IL7R: variants seen among roughly 807,000 people sequenced by gnomAD.
The protein encoded by IL7R is interleukin 7 receptor.
IL7R carries 38 observed loss-of-function variants against 47.0 expected under a neutral mutation model. The observed-to-expected ratio is 0.81, with a 90% confidence interval of 0.62 to 1.06. The LOEUF is 1.06. Among genes scored for constraint, IL7R ranks in the 50% least tolerant of loss-of-function variants. IL7R has a pLI of 0.00. For synonymous variants in IL7R, 221 were observed against 199.8 expected (o/e 1.11, Z -0.89); for missense variants, 633 against 534.8 (o/e 1.18, Z -1.81).
In IL7R at chr5:35,876,352, C is replaced by A. The variant is rs2149906130; in HGVS notation, c.1246C>A (p.Pro416Thr). 1 of 1,613,154 alleles carries A rather than the reference C, an allele frequency of 6.2e-7. No individual in the cohort carries two copies. Residue 416 changes from proline (P) to threonine (T), a missense_variant, in exon 8 of 8, where the codon CCC (proline) becomes ACC (threonine). Coordinates refer to ENST00000303115, the MANE Select transcript of IL7R (RefSeq NM_002185.5). ...CCTTGGGACTACAAACAGCACGCTG[C>A]CCCCTCCATTTTCTCTCCAATCTGG... ...LSLGTTNSTL[P>T]PPFSLQSGIL... is the part of the protein sequence containing the mutation.
intron 1 of IL7R, 74 bp from the exon 2 acceptor site, chr5:35,860,778 A>G (rs1291948983): frequency 4.9e-6 from 7 of 1,423,308 alleles, no homozygotes; most frequent in South Asian, 2.3e-5. Context: ...CTGCTATTTT[A>G]TTAAGGTCAT....
chr5:35,865,492 G>A (rs1759918110), intron 2 of IL7R, among the ~76,000 whole-genome samples: 2 of 152,174 alleles, frequency 1.3e-5, no homozygotes, highest in Admixed American at 1.3e-4. Flanking sequence ...GGATGGCTGG[G>A]TCAAATAGTA....
At chr5:35,866,841 G>A (rs11567734) in intron 2 of IL7R, among the ~76,000 whole-genome samples, 3,182 of 151,792 alleles carry the variant, frequency 0.021, 125 homozygotes, top group African/African-American at 0.073. Flanking sequence ...AATCCATTAC[G>A]TTACCCATCA....
In IL7R at chr5:35,876,086, C is replaced by A. The variant is rs536561203; in HGVS notation, c.980C>A (p.Thr327Lys). Reference protein sequence around the residue: ...RDEVEGFLQDTFPQQLEESEK... With the variant: ...RDEVEGFLQDKFPQQLEESEK... ...GAAGTGGAAGGTTTTCTGCAAGATACGTTTCCTCAGCAACTAGAAGAATCT... is the reference window on the plus strand; with the variant it reads ...GAAGTGGAAGGTTTTCTGCAAGATAAGTTTCCTCAGCAACTAGAAGAATCT... Residue 327 changes from threonine (T) to lysine (K), a missense_variant, in exon 8 of 8, where the codon ACG (threonine) becomes AAG (lysine). Transcript: ENST00000303115. The A allele has an allele frequency of 6.2e-7, 1 of 1,614,188 alleles. No homozygotes were observed. The highest frequency in any genetic ancestry group is 8.5e-7 in the Non-Finnish European group (1 of 1,180,028).
chr5:35,860,784 G>T (rs1580851618), intron 1 of IL7R, 68 bp from the exon 2 acceptor site: 11 of 1,460,218 alleles, frequency 7.5e-6, no homozygotes, highest in Non-Finnish European at 1.1e-5. Flanking sequence ...TTTTATTAAG[G>T]TCATGCCATA....
At chr5:35,874,277 C>G (rs1032950719) in intron 5 of IL7R, among the ~76,000 whole-genome samples, 172 bp from the exon 6 acceptor site, 5 of 152,168 alleles carry the variant, frequency 3.3e-5, no homozygotes, top group African/African-American at 1.2e-4. Context: ...AAGTCAATGC[C>G]TTTTAAACCA....
chr5:35,858,065 T>C (rs1759703289), intron 1 of IL7R, among the ~76,000 whole-genome samples: 1 of 152,144 alleles, frequency 6.6e-6, no homozygotes, highest in Non-Finnish European at 1.5e-5. Flanking sequence ...TATTATTCTA[T>C]GCTAAACTTT....
At chr5:35,861,432 T>G (rs1352804127) in intron 2 of IL7R, among the ~76,000 whole-genome samples, 1 of 152,188 alleles carries the variant, frequency 6.6e-6, no homozygotes, top group African/African-American at 2.4e-5. Flanking sequence ...TATCTATGCC[T>G]CAGTTTCCTC....
At position 35,879,444 on chromosome 5, in the gene IL7R, A is replaced by G. The variant is rs1760298543; in HGVS notation, c.*2958A>G. Reference sequence around the variant, plus strand: ...GTCAGCTCTGTGGTTTATTGTTGGGACTATTCTTTAAAATATCCATTGTTC... The same window carrying G: ...GTCAGCTCTGTGGTTTATTGTTGGGGCTATTCTTTAAAATATCCATTGTTC... On this transcript the variant is annotated 3_prime_UTR_variant, in exon 8 of 8. Coordinates refer to ENST00000303115, the MANE Select transcript of IL7R (RefSeq NM_002185.5). The G allele has an allele frequency of 1.3e-5, 3 of 232,632 alleles. No homozygotes were observed. In the South Asian group the frequency reaches 5.4e-4, roughly 42 times the overall value. 14.4% of individuals were successfully genotyped at this position (232,632 alleles called of 1,614,324 possible). A position where few individuals can be genotyped will look rare whatever the true frequency, so the allele number is the denominator to read the frequency against.
Position 35,876,982 on chromosome 5 carries a change from A to C in IL7R, c.*496A>C, listed in dbSNP as rs911211134. ...ACTACTCTCTTTTTTATAGATCATTAAATTCAGAACTAAGGAGTTAAGTAA... is the reference window on the plus strand; with the variant it reads ...ACTACTCTCTTTTTTATAGATCATTCAATTCAGAACTAAGGAGTTAAGTAA... On this transcript the variant is annotated 3_prime_UTR_variant, in exon 8 of 8. Coordinates refer to ENST00000303115, the MANE Select transcript of IL7R (RefSeq NM_002185.5). 4.1e-6 allele frequency: 1 copy of C among 245,906 alleles called. No individual in the cohort carries two copies. Among genetic ancestry groups the C allele is most frequent in the Admixed American group, 5.0e-5 (1 of 19,990 alleles). 15.2% of individuals were successfully genotyped at this position (245,906 alleles called of 1,614,324 possible).
At position 35,878,559 on chromosome 5, in the gene IL7R, G is replaced by T; in HGVS notation, c.*2073G>T. 4.3e-6 allele frequency: 1 copy of T among 232,946 alleles called. No homozygotes were observed. The allele number at this position is 232,946 out of a possible 1,614,324, so 14.4% of individuals were successfully genotyped here. On this transcript the variant is annotated 3_prime_UTR_variant, in exon 8 of 8. Coordinates refer to ENST00000303115, the MANE Select transcript of IL7R (RefSeq NM_002185.5). ...AAAGTAGAATCTGCCTGGTTTGTAG[G>T]CAGCAGAAGACATTTTTCATCAGTG...
At chr5:35,872,026 A>T (rs1561423728) in intron 4 of IL7R, among the ~76,000 whole-genome samples, 1 of 152,050 alleles carries the variant, frequency 6.6e-6, no homozygotes. Flanking sequence ...CAACTGCCCC[A>T]AACCACCTGC....
intron 7 of IL7R, 92 bp from the exon 8 acceptor site, chr5:35,875,891 C>A: frequency 1.4e-6 from 2 of 1,380,402 alleles, no homozygotes; most frequent in South Asian, 1.2e-5. Context: ...CATTCCCTGT[C>A]AGAAAACTCT....
chr5:35,858,280 G>A (rs369180246), intron 1 of IL7R, among the ~76,000 whole-genome samples: 11 of 152,190 alleles, frequency 7.2e-5, no homozygotes, highest in South Asian at 2.1e-4. Flanking sequence ...ACATGATTAC[G>A]TCAAAATACT....
rs1174138644 is a variant in IL7R, at chr5:35,873,660, T to G, written c.706+12T>G. The G allele has an allele frequency of 8.1e-6, 13 of 1,612,994 alleles. No homozygotes were observed. The highest frequency in any genetic ancestry group is 1.1e-5 in the Non-Finnish European group (13 of 1,179,096). ...CAATAATAGCTCAGGTAAGGAATGG[T>G]GGTAGAGTTTTTGTTCCCTCAGAGT... On this transcript the variant is annotated intron_variant, in intron 5 of 7. Transcript: ENST00000303115.
At position 35,878,486 on chromosome 5, in the gene IL7R, T is replaced by C. The variant is rs1048787316; in HGVS notation, c.*2000T>C. The C allele has an allele frequency of 8.6e-6, 2 of 232,796 alleles. No homozygotes were observed. The highest frequency in any genetic ancestry group is 1.7e-5 in the Non-Finnish European group (2 of 117,858). 14.4% of individuals were successfully genotyped at this position (232,796 alleles called of 1,614,324 possible). ...AAGAGCCATATTGAAAGTGCCCTGTTGGAGACAGGGCAAATGCCACAAAAA... is the reference window on the plus strand; with the variant it reads ...AAGAGCCATATTGAAAGTGCCCTGTCGGAGACAGGGCAAATGCCACAAAAA... On this transcript the variant is annotated 3_prime_UTR_variant, in exon 8 of 8. Transcript: ENST00000303115.
At chr5:35,871,384 GCATAC>G in intron 4 of IL7R, among the ~76,000 whole-genome samples, 171 bp downstream of exon 4, 1 of 152,248 alleles carries the variant, frequency 6.6e-6, no homozygotes, top group African/African-American at 2.4e-5. Context: ...CTTCCCTGAT[GCATAC>G]TCTTCTAGCT....
chr5:35,872,808 G>A (rs1388499476), intron 4 of IL7R, among the ~76,000 whole-genome samples: 2 of 151,750 alleles, frequency 1.3e-5, no homozygotes, highest in Non-Finnish European at 2.9e-5. Flanking sequence ...ATAAACAGCT[G>A]ATAGATGGTT....
chr5:35,877,406 T>TGAG lies in IL7R; in HGVS notation c.*920_*921insGAG. 4.3e-6 allele frequency: 1 copy of TGAG among 233,244 alleles called. No homozygotes were observed. Among genetic ancestry groups the TGAG allele is most frequent in the Non-Finnish European group, 8.5e-6 (1 of 117,988 alleles). 14.4% of individuals were successfully genotyped at this position (233,244 alleles called of 1,614,324 possible). A position where few individuals can be genotyped will look rare whatever the true frequency, so the allele number is the denominator to read the frequency against. On this transcript the variant is annotated 3_prime_UTR_variant, in exon 8 of 8. Transcript: ENST00000303115. ...AAAAAGCCATGAAGCCCATTTGGTT[T>TGAG]CATTTTTCTGAAAATAGGCTCAAGA...
Sources: allele counts gnomAD v4.1 joint callset (sites outside exome capture counted in the v4.1 genomes callset), GRCh38; gene constraint gnomAD v4.1.1; transcripts MANE v1.5; gene names NCBI Gene and HGNC (gene_info 2026-07-23, HGNC 2026-07-21).